Variants in SH3GL2 observed in about 807,000 individuals in gnomAD.
The protein encoded by SH3GL2 is endophilin-A1.
SH3GL2 carries 24 observed loss-of-function variants against 46.0 expected under a neutral mutation model. The observed-to-expected ratio is 0.52, with a 90% CI of 0.38 to 0.73. The LOEUF (loss-of-function observed/expected upper bound fraction) is 0.73, where lower values mean the gene tolerates loss of function less well. Among genes scored for constraint, SH3GL2 ranks in the 30% least tolerant of loss-of-function variants. The probability of loss-of-function intolerance (pLI) is 0.00; values close to 1 mark genes in which losing one functional copy is unlikely to be tolerated. For missense variants in SH3GL2, 413 were observed against 424.2 expected, an observed-to-expected ratio of 0.97 and a Z score of 0.23; for synonymous variants, 196 against 147.1, an observed-to-expected ratio of 1.33 and a Z score of -2.40.
intron 1 of SH3GL2, among the ~76,000 whole-genome samples, chr9:17,677,678 G>T (rs542634459): frequency 4.0e-5 from 6 of 151,612 alleles, no homozygotes; most frequent in Admixed American, 3.9e-4. Context: ...TGTGCACAAC[G>T]TGCAGGTTTG....
rs143653991 is a variant in SH3GL2, at chr9:17,609,931, A to G, written c.45+30644A>G. 1.8e-3 allele frequency among the ~76,000 whole-genome samples: 277 copies of G among 152,282 alleles called. 3 individuals carry two copies. Among genetic ancestry groups the G allele is most frequent in the African/African-American group, 6.1e-3 (252 of 41,558 alleles). ...CACCCTAGAGAGCTCCAGACACACG[A>G]TTGGCCCTCTAACAGAGGAACATTT... On this transcript the variant is annotated intron_variant, in intron 1 of 8. Transcript: ENST00000380607.
intron 1 of SH3GL2, among the ~76,000 whole-genome samples, chr9:17,605,891 T>G (rs1050216508): frequency 3.9e-5 from 6 of 152,142 alleles, no homozygotes; most frequent in Non-Finnish European, 7.3e-5. Flanking sequence ...TGTGGCCATA[T>G]TCACCTGTAT....
chr9:17,769,083 CT>C (rs1351702113), intron 3 of SH3GL2, among the ~76,000 whole-genome samples: 1 of 152,198 alleles, frequency 6.6e-6, no homozygotes, highest in African/African-American at 2.4e-5. Context: ...GCTGGGGTCT[CT>C]GCTCAAATGT....
chr9:17,644,773 G>A (rs1047052586), intron 1 of SH3GL2, among the ~76,000 whole-genome samples: 1 of 152,200 alleles, frequency 6.6e-6, no homozygotes, highest in Non-Finnish European at 1.5e-5. Context: ...TAAGTGCGAT[G>A]TGGTGCTGAG....
chr9:17,791,887 A>G (rs1283661528), intron 7 of SH3GL2, among the ~76,000 whole-genome samples: 4 of 152,196 alleles, frequency 2.6e-5, no homozygotes, highest in Non-Finnish European at 5.9e-5. Context: ...TCACCTCATT[A>G]GATGTACCTC....
chr9:17,780,386 G>A (rs981768802), intron 3 of SH3GL2, among the ~76,000 whole-genome samples: 1 of 151,914 alleles, frequency 6.6e-6, no homozygotes, highest in South Asian at 2.1e-4. Context: ...TCCCTTGTGA[G>A]AACATAGCAC....
At chr9:17,620,366 C>A (rs1242029708) in intron 1 of SH3GL2, among the ~76,000 whole-genome samples, 2 of 152,230 alleles carry the variant, frequency 1.3e-5, no homozygotes, top group African/African-American at 4.8e-5. Flanking sequence ...AATACTTACA[C>A]AGTGCTTTTT....
intron 2 of SH3GL2, among the ~76,000 whole-genome samples, chr9:17,756,476 TC>T (rs1822991849): frequency 1.7e-5 from 1 of 60,016 alleles, no homozygotes; most frequent in Non-Finnish European, 3.1e-5. Context: ...CCCTCCCCCC[TC>T]CCCCCACCCC....
At chr9:17,783,048 A>G (rs1197330690) in intron 3 of SH3GL2, among the ~76,000 whole-genome samples, 1 of 152,122 alleles carries the variant, frequency 6.6e-6, no homozygotes, top group Non-Finnish European at 1.5e-5. Context: ...ACACACACAG[A>G]CAGGGGAGCC....
intron 1 of SH3GL2, among the ~76,000 whole-genome samples, chr9:17,642,951 A>AGC (rs1458232004): frequency 6.6e-6 from 1 of 152,160 alleles, no homozygotes; most frequent in Non-Finnish European, 1.5e-5. Flanking sequence ...TGATGGAAAT[A>AGC]GCATTGAATC....
rs956121229 is a variant in SH3GL2 at position 17,727,237 on chromosome 9, T to G, written c.46-19829T>G. Among the ~76,000 whole-genome samples the G allele has an allele frequency of 3.3e-5, 5 of 152,184 alleles. No individual in the cohort carries two copies. In the East Asian group the frequency reaches 7.7e-4, roughly 23 times the overall value. ...ATGCGGTATAGTATTTTATACTGTT[T>G]ATGTAAGTTAAAATACAGCAAATAA... On this transcript the variant is annotated intron_variant, in intron 1 of 8. Transcript: ENST00000380607.
rs112539215 is a variant in SH3GL2, at chr9:17,669,078, G to C, written c.46-77988G>C. Among the ~76,000 whole-genome samples, 662 of 152,210 alleles carry C rather than the reference G, an allele frequency of 4.3e-3. 10 individuals are homozygous for C. Among genetic ancestry groups the C allele is most frequent in the African/African-American group, 0.015 (604 of 41,546 alleles). ...CTTCAAAGTCCGTTTCTCTGTTTATGTAATACCATGATTTTTTTAATTAAA... is the reference window on the plus strand; with the variant it reads ...CTTCAAAGTCCGTTTCTCTGTTTATCTAATACCATGATTTTTTTAATTAAA... On this transcript the variant is annotated intron_variant, in intron 1 of 8. Transcript: ENST00000380607.
chr9:17,786,363 T>C lies in SH3GL2; in HGVS notation c.188-18T>C. The C allele has an allele frequency of 6.3e-7, 1 of 1,598,116 alleles. No homozygotes were observed. Among genetic ancestry groups the C allele is most frequent in the Admixed American group, 1.8e-5 (1 of 55,048 alleles). ...TCACATTGCCTACTCTGAAAGCTTG[T>C]TCTCTCTTCACCTTCAGCTTCCAGA... On this transcript the variant is annotated intron_variant, in intron 3 of 8. Coordinates refer to ENST00000380607, the MANE Select transcript of SH3GL2 (RefSeq NM_003026.5).
At position 17,616,920 on chromosome 9, in the gene SH3GL2, C is replaced by T. The variant is rs76499227; in HGVS notation, c.45+37633C>T. Among the ~76,000 whole-genome samples, 205 of 152,286 alleles carry T rather than the reference C, an allele frequency of 1.3e-3. 1 individual carries two copies. The highest frequency in any genetic ancestry group is 4.0e-3 in the African/African-American group (166 of 41,572). Reference sequence around the variant, plus strand: ...CAGTGATGTCTGAATTCTACTCCTTCCCCTAGCTAGTTTCCTTCCCAGAGG... The same window carrying T: ...CAGTGATGTCTGAATTCTACTCCTTTCCCTAGCTAGTTTCCTTCCCAGAGG... On this transcript the variant is annotated intron_variant, in intron 1 of 8. Transcript: ENST00000380607.
At chr9:17,695,310 G>A (rs1450681812) in intron 1 of SH3GL2, among the ~76,000 whole-genome samples, 1 of 152,136 alleles carries the variant, frequency 6.6e-6, no homozygotes, top group Non-Finnish European at 1.5e-5. Flanking sequence ...CATCAGAGAG[G>A]AACTTGGGAT....
At chr9:17,632,067 A>G (rs1041589135) in intron 1 of SH3GL2, among the ~76,000 whole-genome samples, 22 of 152,158 alleles carry the variant, frequency 1.4e-4, no homozygotes, top group Non-Finnish European at 2.1e-4. Flanking sequence ...TTAACCACAT[A>G]AAACATAATT....
intron 2 of SH3GL2, among the ~76,000 whole-genome samples, chr9:17,757,296 A>G (rs917913305): frequency 2.6e-5 from 4 of 152,354 alleles, no homozygotes; most frequent in African/African-American, 7.2e-5. Flanking sequence ...AACAAAAGCC[A>G]AAATTGACAA....
At chr9:17,630,374 T>C (rs1295665455) in intron 1 of SH3GL2, 1 of 152,256 alleles carries the variant, frequency 6.6e-6, no homozygotes, top group African/African-American at 2.4e-5. Flanking sequence ...AACAGTATTC[T>C]TGTGACTGTT....
intron 3 of SH3GL2, among the ~76,000 whole-genome samples, chr9:17,782,406 G>C (rs1823835017): frequency 6.6e-6 from 1 of 152,180 alleles, no homozygotes. Context: ...CTTCCAAAGA[G>C]CCAGATTCCT....
Sources: allele counts gnomAD v4.1 joint callset (sites outside exome capture counted in the v4.1 genomes callset), GRCh38; gene constraint gnomAD v4.1.1; transcripts MANE v1.5; gene names NCBI Gene and HGNC (gene_info 2026-07-23, HGNC 2026-07-21).